Variants in FNIP1 observed in about 807,000 individuals in gnomAD.
The protein encoded by FNIP1 is folliculin-interacting protein 1.
Under a neutral mutation model 124.5 loss-of-function variants are expected in FNIP1, and 40 were observed. The ratio of observed to expected loss-of-function variants is 0.32; its 90% CI spans 0.25 to 0.42. The LOEUF is 0.42. FNIP1 is among the 10% of genes least tolerant of loss of function. The pLI is 1.00. For synonymous variants in FNIP1, 472 were observed against 470.6 expected (o/e 1.00, Z -0.04); for missense variants, 1,176 against 1,403.7 (o/e 0.84, Z 2.59).
intron 15 of FNIP1, among the ~76,000 whole-genome samples, chr5:131,655,768 ATT>A (rs1767173242): frequency 6.6e-6 from 1 of 150,976 alleles, no homozygotes; most frequent in Non-Finnish European, 1.5e-5. Flanking sequence ...AAAAAAAAAA[ATT>A]AGTTAGGCAT....
intron 1 of FNIP1, among the ~76,000 whole-genome samples, chr5:131,752,384 A>G (rs934102853): frequency 2.6e-5 from 4 of 152,268 alleles, no homozygotes; most frequent in Admixed American, 2.6e-4. Context: ...GGACTTTATG[A>G]AAAAGGTAAA....
intron 15 of FNIP1, among the ~76,000 whole-genome samples, chr5:131,665,997 G>A (rs1767594095): frequency 6.6e-6 from 1 of 151,254 alleles, no homozygotes; most frequent in Non-Finnish European, 1.5e-5. Flanking sequence ...CGCCTCCTGG[G>A]TTCAGGCCAT....
At chr5:131,723,170 T>TA (rs1769734488) in intron 3 of FNIP1, among the ~76,000 whole-genome samples, 1 of 152,116 alleles carries the variant, frequency 6.6e-6, no homozygotes, top group Non-Finnish European at 1.5e-5. Context: ...AATAGCTATT[T>TA]AAAAAATCAA....
intron 1 of FNIP1, among the ~76,000 whole-genome samples, chr5:131,751,706 T>C (rs562841191): frequency 6.6e-6 from 1 of 152,286 alleles, no homozygotes; most frequent in South Asian, 2.1e-4. Context: ...GAATGCATAC[T>C]ACATGGGTGA....
intron 10 of FNIP1, among the ~76,000 whole-genome samples, 170 bp downstream of exon 10, chr5:131,703,895 C>A (rs1455185905): frequency 6.6e-6 from 1 of 152,126 alleles, no homozygotes; most frequent in African/African-American, 2.4e-5. Flanking sequence ...ATATCTTTTA[C>A]TAGACAGTAA....
At chr5:131,733,771 G>A (rs571278442) in intron 2 of FNIP1, among the ~76,000 whole-genome samples, 4 of 152,298 alleles carry the variant, frequency 2.6e-5, no homozygotes, top group African/African-American at 9.6e-5. Flanking sequence ...ATTCATCAGG[G>A]ATATTGGTCT....
intron 15 of FNIP1, among the ~76,000 whole-genome samples, chr5:131,657,786 ATCTTGCAACTTTGGG>A (rs371610571): frequency 2.8e-5 from 4 of 145,248 alleles, no homozygotes; most frequent in African/African-American, 1.1e-4. Context: ...CAAGATACGG[ATCTTGCAACTTTGGG>A]AGGCCGAGGC....
chr5:131,739,825 A>AC (rs1172506364), intron 2 of FNIP1, among the ~76,000 whole-genome samples: 4 of 151,458 alleles, frequency 2.6e-5, no homozygotes, highest in African/African-American at 9.7e-5. Context: ...AAAAAAAAAA[A>AC]AAAAAAAAAA....
chr5:131,719,423 C>G lies in FNIP1; in HGVS notation c.355-6G>C. ...TCAGAAGAGCACCGAGAACCCTAAA[C>G]AATAACCACATATTAACAAACTGTG... On this transcript the variant is annotated splice_polypyrimidine_tract_variant and splice_region_variant and intron_variant, in intron 3 of 17. Coordinates refer to ENST00000510461, the MANE Select transcript of FNIP1 (RefSeq NM_133372.3). 6.3e-7 allele frequency: 1 copy of G among 1,595,966 alleles called. No individual in the cohort carries two copies.
intron 15 of FNIP1, among the ~76,000 whole-genome samples, chr5:131,663,134 T>C (rs947777189): frequency 1.3e-5 from 2 of 152,198 alleles, no homozygotes; most frequent in African/African-American, 2.4e-5. Context: ...TTAAGGCTTA[T>C]TGATTTCACA....
intron 11 of FNIP1, among the ~76,000 whole-genome samples, chr5:131,682,077 C>T (rs1037576623): frequency 2.0e-5 from 3 of 151,804 alleles, no homozygotes; most frequent in African/African-American, 7.3e-5. Flanking sequence ...AATTATTGGA[C>T]CTTTCAGAAA....
At chr5:131,794,877 C>T (rs187009039) in intron 1 of FNIP1, among the ~76,000 whole-genome samples, 1 of 152,308 alleles carries the variant, frequency 6.6e-6, no homozygotes, top group Non-Finnish European at 1.5e-5. Context: ...AGGAGTTAGG[C>T]TACAACAGAG....
At chr5:131,665,172 C>A (rs1767561189) in intron 15 of FNIP1, among the ~76,000 whole-genome samples, 1 of 152,020 alleles carries the variant, frequency 6.6e-6, no homozygotes, top group African/African-American at 2.4e-5. Flanking sequence ...TTCATTATAG[C>A]CAAAGAAACT....
intron 15 of FNIP1, among the ~76,000 whole-genome samples, chr5:131,664,634 C>CAAAAAAAAA (rs33956526): frequency 2.6e-5 from 2 of 77,418 alleles, no homozygotes; most frequent in African/African-American, 5.3e-5. Context: ...GACCCTGTCT[C>CAAAAAAAAA]AAAAAAAAAA....
intron 13 of FNIP1, among the ~76,000 whole-genome samples, chr5:131,675,350 T>C (rs1201834033): frequency 6.6e-6 from 1 of 152,206 alleles, no homozygotes; most frequent in Non-Finnish European, 1.5e-5. Context: ...CCTACAGTCT[T>C]AGACTGTCGA....
intron 1 of FNIP1, among the ~76,000 whole-genome samples, chr5:131,749,478 C>T (rs1366582323): frequency 2.6e-5 from 4 of 151,612 alleles, no homozygotes; most frequent in African/African-American, 7.3e-5. Context: ...CTGCAACCTC[C>T]GCTTCCGGGT....
At chr5:131,679,510 G>A (rs113433011) in intron 11 of FNIP1, among the ~76,000 whole-genome samples, 2,606 of 152,200 alleles carry the variant, frequency 0.017, 80 homozygotes, top group African/African-American at 0.058. Flanking sequence ...ACATTTCTAC[G>A]GGGTATGCTG....
In FNIP1 at chr5:131,796,898, C is replaced by T. The variant is rs778409972; in HGVS notation, c.24G>A (p.Lys8=). The change falls in exon 1 of 18, where the codon AAG becomes AAA. Residue 8 remains lysine (K), a synonymous_variant. Transcript: ENST00000510461. The part of the protein sequence containing the change: MAPTLFQ[K]LFSKRTGLGA... The stretch of plus-strand genomic sequence containing the variant: ...CCAGCCCGGTCCTCTTGCTGAAGAG[C>T]TTCTGGAACAGCGTAGGGGCCATGC... 5 of 1,608,948 alleles carry T rather than the reference C, an allele frequency of 3.1e-6. No homozygotes were observed. In the East Asian group the frequency reaches 1.1e-4, roughly 36 times the overall value.
chr5:131,671,779 C>T lies in FNIP1; in HGVS notation c.2665G>A (p.Glu889Lys), dbSNP rs746658020. The part of the protein sequence containing the change: ...KQNNEFCKCI[E>K]TVPQDSCKTC... ...TTACATGAATCTTGGGGAACTGTTTCTATACATTTACAAAATTCATTGTTC... is the reference window on the plus strand; with the variant it reads ...TTACATGAATCTTGGGGAACTGTTTTTATACATTTACAAAATTCATTGTTC... The change falls in exon 14 of 18, where the codon GAA (glutamate) becomes AAA (lysine). Residue 889 changes from glutamate (E) to lysine (K), a missense_variant. Physicochemically the swap from Glu to Lys is moderately conservative, Grantham distance 56 (BLOSUM62 1). This residue lies in a region of FNIP1 where 1,109 missense variants were observed against 1,288.5 expected (regional missense o/e 0.86). Coordinates refer to ENST00000510461, the MANE Select transcript of FNIP1 (RefSeq NM_133372.3). 1 of 1,614,052 alleles carries T rather than the reference C, an allele frequency of 6.2e-7. No individual in the cohort carries two copies. The highest frequency in any genetic ancestry group is 2.2e-5 in the East Asian group (1 of 44,872).
Sources: allele counts gnomAD v4.1 joint callset (sites outside exome capture counted in the v4.1 genomes callset), GRCh38; gene constraint gnomAD v4.1.1; regional missense constraint gnomAD v4.1.1; transcripts MANE v1.5; gene names NCBI Gene and HGNC (gene_info 2026-07-23, HGNC 2026-07-21).